Variants in RYR2 observed in about 807,000 individuals in gnomAD.
The protein encoded by RYR2 is ryanodine receptor 2.
A neutral mutation model predicts 601.1 loss-of-function variants in RYR2; 227 were observed. The ratio of observed to expected loss-of-function variants is 0.38; its 90% CI spans 0.34 to 0.42. RYR2 has a LOEUF of 0.42. Among genes scored for constraint, RYR2 ranks in the 10% least tolerant of loss-of-function variants. The pLI is 1.00. For missense variants in RYR2, 4,646 were observed against 6,156.5 expected, an observed-to-expected ratio of 0.75 and a Z score of 8.21; for synonymous variants, 2,223 against 2,175.1, an observed-to-expected ratio of 1.02 and a Z score of -0.61.
intron 10 of RYR2, among the ~76,000 whole-genome samples, chr1:237,394,821 G>A (rs972681085): frequency 6.6e-5 from 10 of 152,276 alleles, no homozygotes; most frequent in African/African-American, 2.4e-4. Flanking sequence ...CTGAAACTGG[G>A]TAATTTATAA....
chr1:237,378,853 A>G (rs983192461), intron 8 of RYR2, among the ~76,000 whole-genome samples: 1 of 152,214 alleles, frequency 6.6e-6, no homozygotes, highest in African/African-American at 2.4e-5. Flanking sequence ...AGACAAGGAA[A>G]TGGTATAACA....
intron 17 of RYR2, among the ~76,000 whole-genome samples, chr1:237,482,966 G>A (rs1360995068): frequency 6.6e-6 from 1 of 151,968 alleles, no homozygotes; most frequent in African/African-American, 2.4e-5. Flanking sequence ...CTGCATTTTT[G>A]ACTCAGCTCT....
At chr1:237,214,096 T>C (rs1682910147) in intron 1 of RYR2, among the ~76,000 whole-genome samples, 1 of 151,816 alleles carries the variant, frequency 6.6e-6, no homozygotes, top group South Asian at 2.1e-4. Context: ...AATTTTTGTA[T>C]TTTTAGTAGA....
intron 12 of RYR2, among the ~76,000 whole-genome samples, chr1:237,425,415 A>G (rs1048644197): frequency 6.6e-6 from 1 of 152,240 alleles, no homozygotes; most frequent in African/African-American, 2.4e-5. Flanking sequence ...TAATCCCAGC[A>G]CTTTGGGAGG....
In RYR2 at chr1:237,407,384, A is replaced by G. The variant is rs549994738; in HGVS notation, c.774-9665A>G. ...TTAAGAAACTGCAAAACTGTCTTCC[A>G]AAGTGGCTGTATCATTTTGTATTCT... On this transcript the variant is annotated intron_variant, in intron 10 of 104. Coordinates refer to ENST00000366574, the MANE Select transcript of RYR2 (RefSeq NM_001035.3). Among the ~76,000 whole-genome samples, 14 of 152,346 alleles carry G rather than the reference A, an allele frequency of 9.2e-5. 1 individual carries two copies. The South Asian group carries it at 2.7e-3, about 29-fold the overall frequency.
At chr1:237,413,696 T>C (rs1704660749) in intron 10 of RYR2, among the ~76,000 whole-genome samples, 1 of 152,118 alleles carries the variant, frequency 6.6e-6, no homozygotes, top group Non-Finnish European at 1.5e-5. Context: ...TGATAGATTT[T>C]TAGTGATAAC....
At chr1:237,826,640 T>C (rs947721872) in intron 101 of RYR2, among the ~76,000 whole-genome samples, 1 of 139,580 alleles carries the variant, frequency 7.2e-6, no homozygotes, top group Admixed American at 7.1e-5. Context: ...ACTTAAAGTA[T>C]AATAAAAAAA....
chr1:237,272,550 A>G (rs1006618783), intron 2 of RYR2, among the ~76,000 whole-genome samples: 3 of 148,930 alleles, frequency 2.0e-5, no homozygotes, highest in African/African-American at 4.9e-5. Context: ...ATATATAATT[A>G]TGTATAATTT....
At chr1:237,826,103 G>A (rs573257553) in intron 101 of RYR2, among the ~76,000 whole-genome samples, 1 of 152,324 alleles carries the variant, frequency 6.6e-6, no homozygotes, top group Non-Finnish European at 1.5e-5. Context: ...AAAAGACACT[G>A]TGGTGATCCC....
chr1:237,787,883 T>A (rs1489615603), intron 91 of RYR2, 105 bp from the exon 92 acceptor site: 1 of 1,082,130 alleles, frequency 9.2e-7, no homozygotes, highest in Non-Finnish European at 1.3e-6. Flanking sequence ...TTTTCAAAAG[T>A]AATATGATGG....
intron 3 of RYR2, among the ~76,000 whole-genome samples, chr1:237,333,448 C>G (rs1696944548): frequency 6.6e-6 from 1 of 152,136 alleles, no homozygotes. Flanking sequence ...CTGGAGGCCT[C>G]TATTGTATTT....
intron 73 of RYR2, among the ~76,000 whole-genome samples, chr1:237,722,761 T>C (rs1483441773): frequency 6.6e-6 from 1 of 152,164 alleles, no homozygotes; most frequent in Non-Finnish European, 1.5e-5. Context: ...TAATTGTATA[T>C]AGTTAAGGTG....
At chr1:237,684,711 G>A (rs1256487646) in intron 62 of RYR2, among the ~76,000 whole-genome samples, 2 of 152,002 alleles carry the variant, frequency 1.3e-5, no homozygotes, top group Non-Finnish European at 2.9e-5. Context: ...GGAAATATTA[G>A]CATGTGGGGT....
chr1:237,357,827 A>T (rs1233970313), intron 4 of RYR2, among the ~76,000 whole-genome samples: 7 of 152,146 alleles, frequency 4.6e-5, no homozygotes, highest in Admixed American at 4.6e-4. Context: ...TTTCTTAAGT[A>T]TTACTATCAT....
chr1:237,792,366 T>TGTGTGCGCGCGCGC (rs1553327290), intron 94 of RYR2, 43 bp downstream of exon 94: 1 of 803,570 alleles, frequency 1.2e-6, no homozygotes, highest in East Asian at 3.0e-5. Context: ...TGTGTGTGTG[T>TGTGTGCGCGCGCGC]GTGTGTGTGT....
At chr1:237,494,189 C>T (rs890021970) in intron 19 of RYR2, among the ~76,000 whole-genome samples, 7 of 152,104 alleles carry the variant, frequency 4.6e-5, no homozygotes, top group African/African-American at 9.7e-5. Context: ...CACAAAAAGC[C>T]GTCTGCAAGC....
chr1:237,572,273 G>A (rs1672780020), intron 29 of RYR2, among the ~76,000 whole-genome samples: 1 of 151,962 alleles, frequency 6.6e-6, no homozygotes, highest in African/African-American at 2.4e-5. Context: ...TTTTTTAATT[G>A]GCTTTTTAAA....
intron 84 of RYR2, among the ~76,000 whole-genome samples, chr1:237,769,396 A>G (rs1389860905): frequency 1.3e-5 from 2 of 152,200 alleles, no homozygotes; most frequent in Non-Finnish European, 2.9e-5. Flanking sequence ...GGGAGATTCA[A>G]CACAATAATG....
intron 29 of RYR2, among the ~76,000 whole-genome samples, chr1:237,578,732 CATGTACGCTCCCTCAGTGT>C: frequency 1.3e-5 from 1 of 75,960 alleles, no homozygotes; most frequent in African/African-American, 5.3e-5. Flanking sequence ...GGAGTGGGGG[CATGTACGCTCCCTCAGTGT>C]CTCTCGCCCA....
Sources: gnomAD v4.1 joint callset for allele counts (sites outside exome capture counted in the v4.1 genomes callset) on GRCh38, gnomAD v4.1.1 for gene constraint, MANE v1.5 for transcripts, NCBI Gene and HGNC (gene_info 2026-07-23, HGNC 2026-07-21) for gene names.